Variants in ERBB4 observed in about 807,000 individuals in gnomAD.
The protein encoded by ERBB4 is receptor tyrosine-protein kinase erbB-4.
A neutral mutation model predicts 158.0 loss-of-function variants in ERBB4; 42 were observed. The observed-to-expected ratio is 0.27, with a 90% CI of 0.21 to 0.34. ERBB4 has a LOEUF of 0.34. ERBB4 is among the 10% of genes least tolerant of loss of function. The pLI is 1.00. For missense variants in ERBB4, 1,333 were observed against 1,624.1 expected (o/e 0.82, Z 3.08); for synonymous variants, 583 against 558.7 (o/e 1.04, Z -0.61).
At chr2:211,600,784 AT>A (rs1407255197) in intron 19 of ERBB4, among the ~76,000 whole-genome samples, 30 of 152,140 alleles carry the variant, frequency 2.0e-4, no homozygotes, top group Admixed American at 6.5e-5. Flanking sequence ...TTTTTTTTGA[AT>A]GTCCACATGG....
At chr2:211,825,091 A>C (rs1212082683) in intron 3 of ERBB4, among the ~76,000 whole-genome samples, 1 of 151,988 alleles carries the variant, frequency 6.6e-6, no homozygotes, top group Non-Finnish European at 1.5e-5. Context: ...AGACCAGAAC[A>C]GATATAAATT....
intron 1 of ERBB4, among the ~76,000 whole-genome samples, chr2:212,405,937 G>T (rs2091333058): frequency 6.6e-6 from 1 of 152,016 alleles, no homozygotes; most frequent in Non-Finnish European, 1.5e-5. Context: ...TTTAATAGGG[G>T]TATGATTTTC....
chr2:212,409,549 C>G (rs2091440716), intron 1 of ERBB4, among the ~76,000 whole-genome samples: 1 of 152,034 alleles, frequency 6.6e-6, no homozygotes, highest in Non-Finnish European at 1.5e-5. Context: ...TTGGCATGTC[C>G]TACTTTATTC....
intron 3 of ERBB4, among the ~76,000 whole-genome samples, chr2:211,874,956 C>T (rs757929256): frequency 1.6e-4 from 22 of 140,596 alleles, no homozygotes; most frequent in Non-Finnish European, 2.7e-4. Flanking sequence ...ACAATATGTG[C>T]GCTGTATTTC....
chr2:212,352,355 G>GA (rs954002586), intron 1 of ERBB4, among the ~76,000 whole-genome samples: 4 of 149,322 alleles, frequency 2.7e-5, no homozygotes, highest in African/African-American at 7.4e-5. Flanking sequence ...ATTTTAGATT[G>GA]AAAAAAACAA....
intron 1 of ERBB4, among the ~76,000 whole-genome samples, chr2:212,470,034 T>C (rs1054880360): frequency 2.0e-5 from 3 of 152,192 alleles, no homozygotes; most frequent in African/African-American, 4.8e-5. Flanking sequence ...CTGAAAATTC[T>C]ATTGTACATA....
intron 3 of ERBB4, among the ~76,000 whole-genome samples, chr2:211,933,083 A>G (rs1357802924): frequency 1.3e-5 from 2 of 152,042 alleles, no homozygotes; most frequent in Non-Finnish European, 2.9e-5. Flanking sequence ...AGTGATAGTT[A>G]GGTTCTCGTA....
chr2:211,590,269 A>G (rs1442952475), intron 19 of ERBB4, among the ~76,000 whole-genome samples: 3 of 152,198 alleles, frequency 2.0e-5, no homozygotes, highest in Non-Finnish European at 4.4e-5. Context: ...GGAGGAACTT[A>G]GTTTATAGTT....
At chr2:212,520,852 A>T (rs961001883) in intron 1 of ERBB4, among the ~76,000 whole-genome samples, 4 of 151,724 alleles carry the variant, frequency 2.6e-5, no homozygotes, top group South Asian at 2.1e-4. Context: ...GTGGCACATC[A>T]ATGTTAATTA....
Position 211,562,053 on chromosome 2 carries a change from G to A in ERBB4, c.2337C>T (p.His779=), listed in dbSNP as rs757530101. 1 of 1,613,894 alleles carries A rather than the reference G, an allele frequency of 6.2e-7. No homozygotes were observed. The highest frequency in any genetic ancestry group is 8.5e-7 in the Non-Finnish European group (1 of 1,180,028). The part of the protein sequence containing the change: ...ALIMASMDHP[H]LVRLLGVCLS... ...GACACACACCCAGCAACCGGACTAG[G>A]TGTGGATGATCCATACTTGCCATGA... The change falls in exon 20 of 28, where the codon CAC becomes CAT. Residue 779 remains histidine (H), a synonymous_variant. Transcript: ENST00000342788.
intron 7 of ERBB4, among the ~76,000 whole-genome samples, chr2:211,716,435 G>A (rs1291465623): frequency 1.3e-5 from 2 of 149,416 alleles, no homozygotes; most frequent in Non-Finnish European, 1.5e-5. Flanking sequence ...CCAGCACTTT[G>A]GGAGGCCAAG....
intron 1 of ERBB4, among the ~76,000 whole-genome samples, chr2:212,159,381 A>G (rs1242092477): frequency 2.0e-5 from 3 of 151,838 alleles, no homozygotes; most frequent in Admixed American, 1.3e-4. Context: ...CACTTTCTCA[A>G]TGTCTAAAAT....
At chr2:211,958,402 T>C (rs1429987868) in intron 2 of ERBB4, among the ~76,000 whole-genome samples, 1 of 152,118 alleles carries the variant, frequency 6.6e-6, no homozygotes, top group Non-Finnish European at 1.5e-5. Flanking sequence ...GTCACAACTT[T>C]CTAAGTAGCT....
chr2:211,455,836 T>C (rs2064368279), intron 20 of ERBB4, among the ~76,000 whole-genome samples: 1 of 152,194 alleles, frequency 6.6e-6, no homozygotes, highest in Non-Finnish European at 1.5e-5. Context: ...TTATACCTAA[T>C]TTTATCAGTT....
chr2:211,923,404 G>C (rs1390905501), intron 3 of ERBB4, among the ~76,000 whole-genome samples: 5 of 152,038 alleles, frequency 3.3e-5, no homozygotes, highest in Non-Finnish European at 7.4e-5. Context: ...AATGAATATG[G>C]GAAAATGATG....
At chr2:212,289,822 GCA>G (rs2086138314) in intron 1 of ERBB4, among the ~76,000 whole-genome samples, 1 of 152,074 alleles carries the variant, frequency 6.6e-6, no homozygotes, top group South Asian at 2.1e-4. Context: ...AAACTTAATT[GCA>G]CAGAGTATTC....
chr2:212,194,016 A>G (rs2082350596), intron 1 of ERBB4, among the ~76,000 whole-genome samples: 1 of 152,074 alleles, frequency 6.6e-6, no homozygotes, highest in African/African-American at 2.4e-5. Context: ...GGGAATTAAC[A>G]GGCTAATAAA....
intron 1 of ERBB4, among the ~76,000 whole-genome samples, chr2:212,342,716 T>A (rs1440225072): frequency 6.6e-6 from 1 of 152,212 alleles, no homozygotes; most frequent in African/African-American, 2.4e-5. Context: ...TAACAAGCAT[T>A]ATACTCCATT....
intron 25 of ERBB4, among the ~76,000 whole-genome samples, chr2:211,392,311 C>T (rs781551015): frequency 3.9e-5 from 6 of 151,978 alleles, no homozygotes; most frequent in Non-Finnish European, 5.9e-5. Context: ...TGTTTTGAGA[C>T]GTTTAGATTT....
Sources: allele counts gnomAD v4.1 joint callset (sites outside exome capture counted in the v4.1 genomes callset), GRCh38; gene constraint gnomAD v4.1.1; transcripts MANE v1.5; gene names NCBI Gene and HGNC (gene_info 2026-07-23, HGNC 2026-07-21).